The following XKR3 variants were observed in gnomAD, a reference collection of about 807,000 sequenced individuals.
The protein encoded by XKR3 is XK-related protein 3.
XKR3 carries 27 observed loss-of-function variants against 40.3 expected under a neutral mutation model. That is an observed-to-expected ratio of 0.67 (90% CI 0.49 to 0.92). The LOEUF (loss-of-function observed/expected upper bound fraction) is 0.92, where lower values mean the gene tolerates loss of function less well. Among genes scored for constraint, XKR3 ranks in the 40% least tolerant of loss-of-function variants. The pLI, the probability that XKR3 is intolerant of heterozygous loss-of-function variation, is 0.00. For synonymous variants in XKR3, 193 were observed against 195.4 expected, an observed-to-expected ratio of 0.99 and a Z score of 0.10; for missense variants, 472 against 537.6, an observed-to-expected ratio of 0.88 and a Z score of 1.21.
At chr22:16,822,205 A>G (rs1159765168) in intron 1 of XKR3, among the ~76,000 whole-genome samples, 1 of 152,140 alleles carries the variant, frequency 6.6e-6, no homozygotes, top group Admixed American at 6.5e-5. Context: ...TGCATGTAGC[A>G]CAGAGGCTGA....
chr22:16,786,660 G>A (rs2060092113), intron 3 of XKR3, among the ~76,000 whole-genome samples: 1 of 152,180 alleles, frequency 6.6e-6, no homozygotes, highest in African/African-American at 2.4e-5. Flanking sequence ...AGCCATCAAA[G>A]TCTAGGCATT....
intron 1 of XKR3, among the ~76,000 whole-genome samples, chr22:16,812,319 T>C (rs1175564870): frequency 6.6e-6 from 1 of 152,200 alleles, no homozygotes; most frequent in Non-Finnish European, 1.5e-5. Context: ...CACACAACTT[T>C]AACCAAGATT....
At position 16,815,925 on chromosome 22, in the gene XKR3, A is replaced by C. The variant is rs189301680; in HGVS notation, c.-10-7842T>G. On this transcript the variant is annotated intron_variant, in intron 1 of 3. Coordinates refer to ENST00000684488, the MANE Select transcript of XKR3 (RefSeq NM_001386955.1). ...TTTGATATTTCATATTTTGCCTGTC[A>C]CCTCTTCTGTTATCTATTATTGTCC... 4.0e-5 allele frequency among the ~76,000 whole-genome samples: 6 copies of C among 151,724 alleles called. No homozygotes were observed. In the East Asian group the frequency reaches 1.2e-3, roughly 29 times the overall value.
At chr22:16,815,938 T>A (rs1393117174) in intron 1 of XKR3, among the ~76,000 whole-genome samples, 5 of 151,964 alleles carry the variant, frequency 3.3e-5, no homozygotes, top group Non-Finnish European at 5.9e-5. Context: ...TCTTCTGTTA[T>A]CTATTATTGT....
chr22:16,785,201 C>G (rs2060084890), intron 3 of XKR3, among the ~76,000 whole-genome samples: 1 of 152,008 alleles, frequency 6.6e-6, no homozygotes, highest in Non-Finnish European at 1.5e-5. Context: ...CTTGTAGTCC[C>G]AGCTACTCGG....
In XKR3 at chr22:16,783,937, T is replaced by C; in HGVS notation, c.1062A>G (p.Glu354=). ...TAAATACCAATATCATTATCACATT[T>C]TCTAAAAACTGAAAGCTGTAGTGTA... The part of the protein sequence containing the change: ...RILHYSFQFL[E]NVIMILVFRF... The change falls in exon 4 of 4, where the codon GAA becomes GAG. Residue 354 remains glutamate, a synonymous_variant. Transcript: ENST00000684488. 1 of 1,614,216 alleles carries C rather than the reference T, an allele frequency of 6.2e-7. No individual in the cohort carries two copies. Among genetic ancestry groups the C allele is most frequent in the Non-Finnish European group, 8.5e-7 (1 of 1,180,040 alleles).
chr22:16,822,331 A>G (rs888055068), intron 1 of XKR3, among the ~76,000 whole-genome samples: 1 of 152,158 alleles, frequency 6.6e-6, no homozygotes, highest in Non-Finnish European at 1.5e-5. Flanking sequence ...CCTCAAAGCA[A>G]GAACTAAAGT....
At chr22:16,801,274 T>C (rs2060167743) in intron 2 of XKR3, among the ~76,000 whole-genome samples, 1 of 150,208 alleles carries the variant, frequency 6.7e-6, no homozygotes, top group East Asian at 1.9e-4. Flanking sequence ...CCAGGTTCAC[T>C]GGCTCATGCC....
chr22:16,783,808 A>T lies in XKR3; in HGVS notation c.1191T>A (p.Tyr397Ter), dbSNP rs2060076255. 1 of 1,614,210 alleles carries T rather than the reference A, an allele frequency of 6.2e-7. No individual in the cohort carries two copies. Among genetic ancestry groups the T allele is most frequent in the South Asian group, 1.1e-5 (1 of 91,080 alleles). ...CTGACTGCCATGGGTACAAATACTG[A>T]TAGAAGAGGAGCATAAAGCCAGTGG... The part of the protein sequence containing the change: ...LLATGFMLLF[Y>*]QYLYPWQSGK... Residue 397 changes from tyrosine to a stop codon, truncating the protein, a stop_gained, in exon 4 of 4, where the codon TAT becomes TAA. Transcript: ENST00000684488. LOFTEE classifies it high-confidence loss of function.
chr22:16,795,442 A>C (rs1171486147), intron 3 of XKR3, among the ~76,000 whole-genome samples: 1 of 152,210 alleles, frequency 6.6e-6, no homozygotes, highest in East Asian at 1.9e-4. Flanking sequence ...AAATGCCTTC[A>C]TCAAGAAGTT....
chr22:16,790,008 G>A (rs1441052743), intron 3 of XKR3, among the ~76,000 whole-genome samples: 11 of 152,060 alleles, frequency 7.2e-5, no homozygotes, highest in South Asian at 2.1e-4. Context: ...GTGCAGTGGC[G>A]TGTACCTATA....
intron 2 of XKR3, among the ~76,000 whole-genome samples, chr22:16,802,490 T>TC (rs1487915283): frequency 6.9e-6 from 1 of 144,518 alleles, no homozygotes; most frequent in Non-Finnish European, 1.6e-5. Flanking sequence ...TCCCAGTCTT[T>TC]CTTTTTTTTT....
intron 3 of XKR3, among the ~76,000 whole-genome samples, chr22:16,793,407 G>A (rs778181620): frequency 1.3e-4 from 20 of 152,322 alleles, no homozygotes; most frequent in Non-Finnish European, 2.8e-4. Context: ...TTCCCCCAAA[G>A]GCTGCATTTT....
At chr22:16,810,684 A>T (rs542258428) in intron 1 of XKR3, among the ~76,000 whole-genome samples, 24 of 152,340 alleles carry the variant, frequency 1.6e-4, no homozygotes, top group African/African-American at 5.8e-4. Flanking sequence ...TGTTGCCATT[A>T]CCTTAAAAAG....
intron 1 of XKR3, among the ~76,000 whole-genome samples, chr22:16,824,409 AAGTG>A (rs2060266680): frequency 6.6e-6 from 1 of 152,150 alleles, no homozygotes; most frequent in Non-Finnish European, 1.5e-5. Flanking sequence ...TAAATAGAGT[AAGTG>A]AGTAAGAAAA....
At position 16,783,515 on chromosome 22, in the gene XKR3, C is replaced by T; in HGVS notation, c.*104G>A. On this transcript the variant is annotated 3_prime_UTR_variant, in exon 4 of 4. Transcript: ENST00000684488. ...AACATAAATGAATTTTATTAGAAAC[C>T]ACTTCCAAGATTTTGCTGTGTATAT... The T allele has an allele frequency of 1.1e-6, 1 of 928,858 alleles. No homozygotes were observed. The highest frequency in any genetic ancestry group is 1.5e-6 in the Non-Finnish European group (1 of 665,580). The allele number at this position is 928,858 out of a possible 1,614,324, so 57.5% of individuals were successfully genotyped here. A position where few individuals can be genotyped will look rare whatever the true frequency, so the allele number is the denominator to read the frequency against.
chr22:16,812,854 C>T (rs1019877113), intron 1 of XKR3, among the ~76,000 whole-genome samples: 5 of 152,088 alleles, frequency 3.3e-5, no homozygotes, highest in African/African-American at 1.2e-4. Context: ...TCCAATAAGC[C>T]ATTTTCTGTC....
intron 1 of XKR3, among the ~76,000 whole-genome samples, chr22:16,819,824 A>G (rs1425515307): frequency 2.0e-5 from 3 of 152,186 alleles, no homozygotes; most frequent in Non-Finnish European, 4.4e-5. Context: ...CTAGAAAGCC[A>G]ATGTGCAGAT....
intron 2 of XKR3, among the ~76,000 whole-genome samples, 172 bp downstream of exon 2, chr22:16,807,567 G>C (rs1413823284): frequency 2.6e-5 from 4 of 152,110 alleles, no homozygotes; most frequent in African/African-American, 9.7e-5. Flanking sequence ...CCTTATAACT[G>C]ATGACAATTA....
Sources: allele counts gnomAD v4.1 joint callset (sites outside exome capture counted in the v4.1 genomes callset), GRCh38; gene constraint gnomAD v4.1.1; transcripts MANE v1.5; gene names NCBI Gene and HGNC (gene_info 2026-07-23, HGNC 2026-07-21).